The following HIVEP3 variants were observed in gnomAD, a reference collection of about 807,000 sequenced individuals.
HIVEP3 encodes transcription factor HIVEP3.
Under a neutral mutation model 152.8 loss-of-function variants are expected in HIVEP3, and 49 were observed. The ratio of observed to expected loss-of-function variants is 0.32; its 90% CI spans 0.26 to 0.41. The LOEUF is 0.41. HIVEP3 is among the 10% of genes least tolerant of loss of function. HIVEP3 has a pLI of 1.00. For missense variants in HIVEP3, 2,790 were observed against 3,103.3 expected (o/e 0.90, Z 2.40); for synonymous variants, 1,269 against 1,289.0 (o/e 0.98, Z 0.33).
intron 1 of HIVEP3, among the ~76,000 whole-genome samples, chr1:42,013,813 C>T (rs1040900422): frequency 6.6e-6 from 1 of 152,204 alleles, no homozygotes; most frequent in South Asian, 2.1e-4. Flanking sequence ...GAAGACATAA[C>T]CCAAAGCAGC....
intron 5 of HIVEP3, among the ~76,000 whole-genome samples, chr1:41,560,587 C>T (rs1412167201): frequency 6.6e-6 from 1 of 152,182 alleles, no homozygotes; most frequent in Non-Finnish European, 1.5e-5. Flanking sequence ...GGCTGGAAAA[C>T]CTCTGGCACC....
chr1:41,756,762 T>A (rs185427263), intron 1 of HIVEP3, among the ~76,000 whole-genome samples: 1 of 152,182 alleles, frequency 6.6e-6, no homozygotes. Flanking sequence ...AAATAAAAAG[T>A]TATATGAATA....
Position 41,580,523 on chromosome 1 carries a change from T to C in HIVEP3, c.4275A>G (p.Ala1425=). Residue 1425 remains alanine (A), a synonymous_variant, in exon 4 of 9, where the codon GCA becomes GCG. Transcript: ENST00000372583. ...ILSLEGSSST[A]GGSKRVLSPA... ...GTGAAAGGACACGTTTGCTTCCCCC[T>C]GCTGTTGATGAACTCCCCTCCAGGC... 5 of 1,614,224 alleles carry C rather than the reference T, an allele frequency of 3.1e-6. No individual in the cohort carries two copies. Among genetic ancestry groups the C allele is most frequent in the Non-Finnish European group, 3.4e-6 (4 of 1,180,044 alleles).
intron 5 of HIVEP3, among the ~76,000 whole-genome samples, chr1:41,561,671 C>A (rs1460867132): frequency 6.9e-6 from 1 of 145,882 alleles, no homozygotes; most frequent in African/African-American, 2.6e-5. Context: ...CACTACCATG[C>A]CCAGCTAATT....
At chr1:41,527,381 CT>C (rs1253586380) in intron 5 of HIVEP3, among the ~76,000 whole-genome samples, 3 of 66,878 alleles carry the variant, frequency 4.5e-5, no homozygotes, top group Non-Finnish European at 7.0e-5. Flanking sequence ...TGCACTCACA[CT>C]CGCACTCACA....
chr1:41,924,361 T>C (rs1644957183), intron 1 of HIVEP3, among the ~76,000 whole-genome samples: 1 of 152,184 alleles, frequency 6.6e-6, no homozygotes, highest in Non-Finnish European at 1.5e-5. Flanking sequence ...GAGTTTGTGG[T>C]CATTTGTTAT....
intron 1 of HIVEP3, among the ~76,000 whole-genome samples, chr1:41,820,095 G>C (rs1642545878): frequency 1.3e-5 from 2 of 151,970 alleles, no homozygotes; most frequent in African/African-American, 4.8e-5. Flanking sequence ...GTTAGATCAA[G>C]CTTTTTACTT....
At chr1:41,911,015 T>C (rs188835036) in intron 1 of HIVEP3, among the ~76,000 whole-genome samples, 1 of 152,228 alleles carries the variant, frequency 6.6e-6, no homozygotes, top group East Asian at 1.9e-4. Context: ...ATAAATTTTA[T>C]TACATTGAAA....
intron 3 of HIVEP3, among the ~76,000 whole-genome samples, chr1:41,626,587 C>G (rs1645121634): frequency 6.6e-6 from 1 of 152,202 alleles, no homozygotes; most frequent in South Asian, 2.1e-4. Flanking sequence ...GCTTGCATCT[C>G]TCAGAGGGCT....
At chr1:41,934,193 T>C (rs79945486) in intron 1 of HIVEP3, among the ~76,000 whole-genome samples, 4,870 of 152,190 alleles carry the variant, frequency 0.032, 264 homozygotes, top group African/African-American at 0.11. Context: ...TGTGATGGGG[T>C]TCATGGAGAA....
At chr1:41,755,021 T>C (rs1342225592) in intron 1 of HIVEP3, among the ~76,000 whole-genome samples, 1 of 151,918 alleles carries the variant, frequency 6.6e-6, no homozygotes, top group Non-Finnish European at 1.5e-5. Context: ...AAAAGAAAAA[T>C]AAGGTGAGAA....
At chr1:41,964,308 C>T (rs1645186179) in intron 1 of HIVEP3, among the ~76,000 whole-genome samples, 2 of 152,220 alleles carry the variant, frequency 1.3e-5, no homozygotes, top group East Asian at 1.9e-4. Context: ...GGGAGCCACA[C>T]GGGGAAAGGG....
At chr1:41,814,603 A>G (rs936968345) in intron 1 of HIVEP3, among the ~76,000 whole-genome samples, 4 of 152,246 alleles carry the variant, frequency 2.6e-5, no homozygotes, top group African/African-American at 9.6e-5. Flanking sequence ...ACTCTATTTC[A>G]AAATTATGAG....
At chr1:41,940,055 T>C (rs1412020340) in intron 1 of HIVEP3, among the ~76,000 whole-genome samples, 1 of 152,224 alleles carries the variant, frequency 6.6e-6, no homozygotes, top group African/African-American at 2.4e-5. Flanking sequence ...TACAAAATGA[T>C]TTTTGAATGA....
chr1:41,772,149 A>G (rs1296983928), intron 1 of HIVEP3, among the ~76,000 whole-genome samples: 3 of 152,196 alleles, frequency 2.0e-5, no homozygotes, highest in African/African-American at 7.2e-5. Context: ...AAAGGCACCC[A>G]GGGTTGTGCA....
At chr1:41,785,801 A>T (rs1052033299) in intron 1 of HIVEP3, among the ~76,000 whole-genome samples, 6 of 152,250 alleles carry the variant, frequency 3.9e-5, no homozygotes, top group African/African-American at 1.4e-4. Context: ...GTTCAAGACC[A>T]GCCTGGCCAA....
chr1:41,619,056 A>G (rs566054247), intron 3 of HIVEP3, among the ~76,000 whole-genome samples: 10 of 149,600 alleles, frequency 6.7e-5, no homozygotes, highest in African/African-American at 2.0e-4. Flanking sequence ...TCGGCAGGAC[A>G]GCCCACTCCT....
At chr1:41,632,851 G>A (rs1007667958) in intron 2 of HIVEP3, among the ~76,000 whole-genome samples, 1 of 152,198 alleles carries the variant, frequency 6.6e-6, no homozygotes, top group African/African-American at 2.4e-5. Context: ...TGTCCACATG[G>A]CTGGAGGTGA....
intron 1 of HIVEP3, among the ~76,000 whole-genome samples, chr1:41,855,910 G>A (rs572795248): frequency 2.0e-5 from 3 of 152,364 alleles, no homozygotes; most frequent in Non-Finnish European, 4.4e-5. Flanking sequence ...GATTGAGACA[G>A]AGTCTTGCTC....
Sources: allele counts gnomAD v4.1 joint callset (sites outside exome capture counted in the v4.1 genomes callset), GRCh38; gene constraint gnomAD v4.1.1; transcripts MANE v1.5; gene names NCBI Gene and HGNC (gene_info 2026-07-23, HGNC 2026-07-21).